RMND5B: variants seen among roughly 807,000 people sequenced by gnomAD.
RMND5B encodes E3 ubiquitin-protein transferase RMND5B.
In RMND5B, 42 loss-of-function variants were observed where a neutral mutation model predicts 50.4. The ratio of observed to expected loss-of-function variants is 0.83; its 90% CI spans 0.65 to 1.08. RMND5B has a LOEUF of 1.08. RMND5B is among the 50% of genes least tolerant of loss of function. RMND5B has a pLI of 0.00. For synonymous variants in RMND5B, 220 were observed against 210.0 expected (o/e 1.05, Z -0.41); for missense variants, 463 against 508.5 (o/e 0.91, Z 0.86).
chr5:178,132,969 A>C (rs567405460), intron 2 of RMND5B, among the ~76,000 whole-genome samples: 99 of 151,734 alleles, frequency 6.5e-4, no homozygotes, highest in African/African-American at 2.3e-3. Context: ...GGTTCAAGCA[A>C]TTCTCCTGCC....
rs927716260 is a variant in RMND5B, at chr5:178,147,994, G to C, written c.1144G>C (p.Glu382Gln). Reference sequence around the variant, plus strand: ...GCTGAAGTGTCCCTACTGTCCCATGGAGCAGAACCCGGCAGATGGGAAACG... The same window carrying C: ...GCTGAAGTGTCCCTACTGTCCCATGCAGCAGAACCCGGCAGATGGGAAACG... ...GKLKCPYCPM[E>Q]QNPADGKRII... Residue 382 changes from glutamate to glutamine, a missense_variant, in exon 11 of 11, where the codon GAG becomes CAG. Coordinates refer to ENST00000313386, the MANE Select transcript of RMND5B (RefSeq NM_022762.5). 5.6e-6 allele frequency: 9 copies of C among 1,613,954 alleles called. No homozygotes were observed. In the Admixed American group the frequency reaches 1.5e-4, roughly 27 times the overall value.
At position 178,148,046 on chromosome 5, in the gene RMND5B, G is replaced by A. The variant is rs369574896; in HGVS notation, c.*14G>A. 4 of 1,613,866 alleles carry A rather than the reference G, an allele frequency of 2.5e-6. No homozygotes were observed. Among genetic ancestry groups the A allele is most frequent in the South Asian group, 1.1e-5 (1 of 91,070 alleles). ...ATCATATTCTGATTCCTACCTGGAAGGAATTTTGTTGAAAGGGGTTTTCAC... is the reference window on the plus strand; with the variant it reads ...ATCATATTCTGATTCCTACCTGGAAAGAATTTTGTTGAAAGGGGTTTTCAC... On this transcript the variant is annotated 3_prime_UTR_variant, in exon 11 of 11. Coordinates refer to ENST00000313386, the MANE Select transcript of RMND5B (RefSeq NM_022762.5).
At chr5:178,133,852 C>T (rs1344543386) in intron 2 of RMND5B, among the ~76,000 whole-genome samples, 3 of 152,128 alleles carry the variant, frequency 2.0e-5, no homozygotes, top group South Asian at 2.1e-4. Context: ...GCTGGGACTA[C>T]GGGTGCCCGC....
intron 2 of RMND5B, among the ~76,000 whole-genome samples, chr5:178,132,783 GC>G (rs1192981897): frequency 1.4e-5 from 1 of 70,164 alleles, no homozygotes; most frequent in African/African-American, 5.7e-5. Flanking sequence ...AAGAGACCCT[GC>G]CTCACAAAAA....
chr5:178,132,236 T>C (rs560304280), intron 2 of RMND5B, among the ~76,000 whole-genome samples: 291 of 150,442 alleles, frequency 1.9e-3, no homozygotes, highest in Non-Finnish European at 3.4e-3. Context: ...AGGCCAGGAG[T>C]TCAAGACCAG....
chr5:178,133,154 C>A (rs914579847), intron 2 of RMND5B, among the ~76,000 whole-genome samples: 1 of 152,172 alleles, frequency 6.6e-6, no homozygotes, highest in Non-Finnish European at 1.5e-5. Context: ...TGAGCCACCA[C>A]GCCCAGCCGA....
chr5:178,146,417 G>T (rs750328260), intron 8 of RMND5B, 138 bp downstream of exon 8: 1 of 760,562 alleles, frequency 1.3e-6, no homozygotes, highest in Non-Finnish European at 2.1e-6. Context: ...CATTCTTCAG[G>T]AGAGGAATTA....
chr5:178,146,133 C>T lies in RMND5B; in HGVS notation c.714C>T (p.Gly238=). The T allele has an allele frequency of 6.2e-7, 1 of 1,614,092 alleles. No individual in the cohort carries two copies. Among genetic ancestry groups the T allele is most frequent in the African/African-American group, 1.3e-5 (1 of 75,074 alleles). The change falls in exon 8 of 11, where the codon GGC becomes GGT. Residue 238 remains glycine (G), a synonymous_variant. Coordinates refer to ENST00000313386, the MANE Select transcript of RMND5B (RefSeq NM_022762.5). ...LHQREIQVMM[G]SLVYLRLGLE... ...TTGTAGAGATCCAGGTGATGATGGG[C>T]AGCCTGGTGTACCTGCGGCTGGGCT...
At chr5:178,147,138 T>C in intron 8 of RMND5B, 1 of 191,842 alleles carries the variant, frequency 5.2e-6, no homozygotes, top group South Asian at 1.1e-4. Flanking sequence ...TTAGGCGGCC[T>C]AGTTGATAGC....
At position 178,149,342 on chromosome 5, in the gene RMND5B, A is replaced by C. The variant is rs1756198681; in HGVS notation, c.*1310A>C. The C allele has an allele frequency of 1.1e-5, 3 of 280,406 alleles. No individual in the cohort carries two copies. Among genetic ancestry groups the C allele is most frequent in the South Asian group, 9.9e-5 (3 of 30,328 alleles). 17.4% of individuals were successfully genotyped at this position (280,406 alleles called of 1,614,324 possible). ...CGGCCCTGGGCAGCTGAGCATCAGC[A>C]CAGAACCCTCTGAGTCCTTTGGGCT... is the stretch of plus-strand genomic sequence containing the variant. On this transcript the variant is annotated 3_prime_UTR_variant, in exon 11 of 11. Transcript: ENST00000313386.
In RMND5B at chr5:178,149,318, G is replaced by A. The variant is rs80350399; in HGVS notation, c.*1286G>A. ...GTTCTCAGCTTGAGCCAAAGCACCC[G>A]GCCCTGGGCAGCTGAGCATCAGCAC... On this transcript the variant is annotated 3_prime_UTR_variant, in exon 11 of 11. Transcript: ENST00000313386. 0.014 allele frequency: 2,690 copies of A among 191,356 alleles called. 44 individuals are homozygous for A. Among genetic ancestry groups the A allele is most frequent in the East Asian group, 0.088 (539 of 6,156 alleles). The allele number at this position is 191,356 out of a possible 1,614,324, so 11.9% of individuals were successfully genotyped here.
intron 2 of RMND5B, among the ~76,000 whole-genome samples, chr5:178,132,789 CAAAAAAAAAAAAA>C (rs58710080): frequency 2.6e-5 from 1 of 38,904 alleles, no homozygotes; most frequent in Non-Finnish European, 4.5e-5. Context: ...CCCTGCCTCA[CAAAAAAAAAAAAA>C]AAAAAAAAAA....
chr5:178,150,130 GC>G lies in RMND5B; in HGVS notation c.*2102del. ...CCCCACTTCCTGTGCCTCAGATCTG[GC>G]CCCTGTTACGTAAGATAAGGACAGC... On this transcript the variant is annotated 3_prime_UTR_variant, in exon 11 of 11. Transcript: ENST00000313386. 1 of 339,050 alleles carries G rather than the reference GC, an allele frequency of 2.9e-6. No homozygotes were observed. Among genetic ancestry groups the G allele is most frequent in the South Asian group, 3.3e-5 (1 of 30,494 alleles). 21.0% of individuals were successfully genotyped at this position (339,050 alleles called of 1,614,324 possible).
rs373766676 is a variant in RMND5B, at chr5:178,150,524, C to T, written c.*2492C>T. On this transcript the variant is annotated 3_prime_UTR_variant, in exon 11 of 11. Transcript: ENST00000313386. ...CCTCCCAAGTGGCTGGGACTACAGG[C>T]ATGTGCCACCACACCCAGCTAATTA... 3.7e-5 allele frequency: 14 copies of T among 373,956 alleles called. No individual in the cohort carries two copies. Among genetic ancestry groups the T allele is most frequent in the East Asian group, 2.1e-4 (3 of 14,488 alleles). 23.2% of individuals were successfully genotyped at this position (373,956 alleles called of 1,614,324 possible). A position where few individuals can be genotyped will look rare whatever the true frequency, so the allele number is the denominator to read the frequency against.
chr5:178,132,050 C>T (rs1428411615), intron 2 of RMND5B, among the ~76,000 whole-genome samples: 1 of 152,128 alleles, frequency 6.6e-6, no homozygotes, highest in Non-Finnish European at 1.5e-5. Flanking sequence ...CGGTGGTTCA[C>T]GCCCGTAATT....
At chr5:178,142,410 A>T (rs1758991914) in intron 3 of RMND5B, 173 bp from the exon 4 acceptor site, 1 of 742,924 alleles carries the variant, frequency 1.3e-6, no homozygotes, top group South Asian at 1.8e-5. Context: ...AGCAGTTCCA[A>T]GTCAGACAGT....
Position 178,140,877 on chromosome 5 carries a change from A to G in RMND5B, c.140-1706A>G, listed in dbSNP as rs144475527. On this transcript the variant is annotated intron_variant, in intron 3 of 10. Coordinates refer to ENST00000313386, the MANE Select transcript of RMND5B (RefSeq NM_022762.5). Reference sequence around the variant, plus strand: ...GGGGAGATACTTTGATACCATATAAATGTCCTGCTCTTTACCAAATTTCAG... The same window carrying G: ...GGGGAGATACTTTGATACCATATAAGTGTCCTGCTCTTTACCAAATTTCAG... 3.4e-3 allele frequency among the ~76,000 whole-genome samples: 525 copies of G among 152,192 alleles called. 2 individuals are homozygous for G. Among genetic ancestry groups the G allele is most frequent in the Non-Finnish European group, 5.5e-3 (372 of 67,992 alleles).
rs1398613279 is a variant in RMND5B, at chr5:178,142,587, C to T, written c.144C>T (p.Leu48=). 1.2e-6 allele frequency: 2 copies of T among 1,610,886 alleles called. No homozygotes were observed. Among genetic ancestry groups the T allele is most frequent in the Non-Finnish European group, 1.7e-6 (2 of 1,178,134 alleles). Residue 48 remains leucine (L), a synonymous_variant, in exon 4 of 11, where the codon CTC becomes CTT. Coordinates refer to ENST00000313386, the MANE Select transcript of RMND5B (RefSeq NM_022762.5). ...CTTATTCCACTTTCTCTGCAGCCCT[C>T]CAGGGGACCCCTCTCTCAGCCACCC... ...QLRAELASAA[L]QGTPLSATLS...
Position 178,150,308 on chromosome 5 carries a change from G to A in RMND5B, c.*2276G>A. The A allele has an allele frequency of 8.9e-6, 2 of 223,686 alleles. No individual in the cohort carries two copies. Among genetic ancestry groups the A allele is most frequent in the South Asian group, 1.2e-4 (2 of 16,750 alleles). 13.9% of individuals were successfully genotyped at this position (223,686 alleles called of 1,614,324 possible). A position where few individuals can be genotyped will look rare whatever the true frequency, so the allele number is the denominator to read the frequency against. On this transcript the variant is annotated 3_prime_UTR_variant, in exon 11 of 11. Coordinates refer to ENST00000313386, the MANE Select transcript of RMND5B (RefSeq NM_022762.5). ...TTCTTACCATCAGGCCAAACGGTAA[G>A]TTCCTTCAGAACAGGGCCTCCTGCT...
Sources: allele counts gnomAD v4.1 joint callset (sites outside exome capture counted in the v4.1 genomes callset), GRCh38; gene constraint gnomAD v4.1.1; transcripts MANE v1.5; gene names NCBI Gene and HGNC (gene_info 2026-07-23, HGNC 2026-07-21).